The following GRB10 variants were observed in gnomAD, a reference collection of about 807,000 sequenced individuals.
GRB10 encodes the protein growth factor receptor-bound protein 10.
GRB10 carries 20 observed loss-of-function variants against 80.9 expected under a neutral mutation model. The ratio of observed to expected loss-of-function variants is 0.25; its 90% CI spans 0.17 to 0.36. The LOEUF (loss-of-function observed/expected upper bound fraction) is 0.36, where lower values mean the gene tolerates loss of function less well. GRB10 is among the 10% of genes least tolerant of loss of function. The pLI, the probability that GRB10 is intolerant of heterozygous loss-of-function variation, is 1.00. For missense variants in GRB10, 548 were observed against 747.7 expected (o/e 0.73, Z 3.12); for synonymous variants, 291 against 291.5 (o/e 1.00, Z 0.02).
chr7:50,771,555 G>A (rs945462443), intron 2 of GRB10, among the ~76,000 whole-genome samples: 1 of 152,210 alleles, frequency 6.6e-6, no homozygotes. Context: ...AACACTCACA[G>A]GTGGCCAGAG....
At chr7:50,784,970 G>A (rs2078632469), upstream of GRB10, among the ~76,000 whole-genome samples, 1 of 152,232 alleles carries the variant, frequency 6.6e-6, no homozygotes, top group Admixed American at 6.5e-5. Context: ...CCATCAGCTA[G>A]GTGACTTCTT....
intron 7 of GRB10, among the ~76,000 whole-genome samples, chr7:50,631,912 G>A (rs535932170): frequency 2.6e-5 from 4 of 152,236 alleles, no homozygotes; most frequent in East Asian, 1.9e-4. Flanking sequence ...AGGGCTCCCC[G>A]CCCTGGCTCT....
chr7:50,662,650 T>C (rs1180132603), intron 7 of GRB10, among the ~76,000 whole-genome samples: 1 of 152,240 alleles, frequency 6.6e-6, no homozygotes, highest in African/African-American at 2.4e-5. Flanking sequence ...GCCAAAGTAT[T>C]TCACCTTGTG....
At chr7:50,702,949 T>C (rs1338961425) in intron 5 of GRB10, among the ~76,000 whole-genome samples, 1 of 152,252 alleles carries the variant, frequency 6.6e-6, no homozygotes, top group Non-Finnish European at 1.5e-5. Context: ...GCATACAACG[T>C]AACACGTTAA....
chr7:50,792,275 G>A (rs1349196252), intron 1 of GRB10, among the ~76,000 whole-genome samples: 1 of 151,086 alleles, frequency 6.6e-6, no homozygotes, highest in Non-Finnish European at 1.5e-5. Flanking sequence ...TGGGCACCAA[G>A]TTTGCAAGAA....
rs1406250636 is a variant in GRB10 at position 50,652,654 on chromosome 7, C to T, written c.504+17068G>A. Among the ~76,000 whole-genome samples, 9 of 152,286 alleles carry T rather than the reference C, an allele frequency of 5.9e-5. No individual in the cohort carries two copies. The East Asian group carries it at 1.2e-3, about 20-fold the overall frequency. On this transcript the variant is annotated intron_variant, in intron 7 of 18. Transcript: ENST00000401949. ...GGGAGGAGAAGGATTCTGAGACTTC[C>T]GCTGCTTGCTAACAACCAAGCCCTC...
chr7:50,750,010 C>T (rs1171343259), intron 3 of GRB10, among the ~76,000 whole-genome samples: 1 of 152,204 alleles, frequency 6.6e-6, no homozygotes, highest in Non-Finnish European at 1.5e-5. Context: ...CCTGTTGATC[C>T]TGCTACTCCC....
At chr7:50,730,215 CAACAGCAGGATGATTAAA>C (rs2069432909) in intron 4 of GRB10, among the ~76,000 whole-genome samples, 1 of 152,182 alleles carries the variant, frequency 6.6e-6, no homozygotes, top group African/African-American at 2.4e-5. Context: ...TGCTGCCCTC[CAACAGCAGGATGATTAAA>C]TGCATACAGT....
chr7:50,749,597 T>C (rs1186011387), intron 3 of GRB10, among the ~76,000 whole-genome samples: 3 of 152,200 alleles, frequency 2.0e-5, no homozygotes, highest in African/African-American at 7.2e-5. Flanking sequence ...TTTGTATAAT[T>C]TGTGGAATTT....
chr7:50,620,186 T>C (rs1217523458), intron 8 of GRB10, among the ~76,000 whole-genome samples: 1 of 152,168 alleles, frequency 6.6e-6, no homozygotes, highest in African/African-American at 2.4e-5. Context: ...ACTAACCTTA[T>C]TAAATCATGG....
chr7:50,699,509 G>C (rs542294631), intron 5 of GRB10, among the ~76,000 whole-genome samples: 1 of 152,272 alleles, frequency 6.6e-6, no homozygotes, highest in Non-Finnish European at 1.5e-5. Flanking sequence ...TCTGCCAGGT[G>C]AAATGATTAT....
intron 3 of GRB10, among the ~76,000 whole-genome samples, chr7:50,742,442 T>C (rs1266461201): frequency 1.3e-5 from 2 of 152,156 alleles, no homozygotes; most frequent in Non-Finnish European, 2.9e-5. Flanking sequence ...TTAACCAGGA[T>C]CCTACAAGTC....
At chr7:50,595,592 C>T (rs534898121) in intron 17 of GRB10, 62 bp from the exon 18 acceptor site, 21 of 813,394 alleles carry the variant, frequency 2.6e-5, no homozygotes, top group East Asian at 5.0e-5. Context: ...ATCACACACA[C>T]ACACTCTCTT....
chr7:50,621,380 G>T (rs958870642), intron 8 of GRB10, among the ~76,000 whole-genome samples: 6 of 152,248 alleles, frequency 3.9e-5, no homozygotes, highest in African/African-American at 1.4e-4. Flanking sequence ...GCTTTTCTGA[G>T]GCTGGTGACT....
In GRB10 at chr7:50,652,822, T is replaced by C. The variant is rs1018184335; in HGVS notation, c.504+16900A>G. On this transcript the variant is annotated intron_variant, in intron 7 of 18. Transcript: ENST00000401949. Reference sequence around the variant, plus strand: ...TTTCTTTGCCTCATCCTTTGGCTTATTGCACACCAGGTTTAGTTTGACTCA... The same window carrying C: ...TTTCTTTGCCTCATCCTTTGGCTTACTGCACACCAGGTTTAGTTTGACTCA... Among the ~76,000 whole-genome samples the C allele has an allele frequency of 5.9e-5, 9 of 152,230 alleles. No individual in the cohort carries two copies. In the East Asian group the frequency reaches 1.2e-3, roughly 19 times the overall value.
At chr7:50,777,812 G>A (rs2077852597) in intron 2 of GRB10, among the ~76,000 whole-genome samples, 1 of 152,048 alleles carries the variant, frequency 6.6e-6, no homozygotes, top group African/African-American at 2.4e-5. Context: ...AACTAACACA[G>A]GAACAGAAAA....
intron 2 of GRB10, among the ~76,000 whole-genome samples, chr7:50,761,378 G>T (rs918539664): frequency 6.6e-6 from 1 of 152,166 alleles, no homozygotes; most frequent in African/African-American, 2.4e-5. Context: ...AAATCTACTA[G>T]AGTGAGCCTG....
intron 4 of GRB10, among the ~76,000 whole-genome samples, chr7:50,705,714 A>G (rs2715104): frequency 0.95 from 145,298 of 152,332 alleles, 69,382 homozygotes; most frequent in East Asian, 1. Context: ...CATCTCCATC[A>G]GCACTCTAGT....
chr7:50,746,512 T>C (rs1408546362), intron 3 of GRB10, among the ~76,000 whole-genome samples: 1 of 152,108 alleles, frequency 6.6e-6, no homozygotes, highest in Non-Finnish European at 1.5e-5. Flanking sequence ...CACCCTCTGG[T>C]GACACTGCCA....
Sources: allele counts gnomAD v4.1 joint callset (sites outside exome capture counted in the v4.1 genomes callset), GRCh38; gene constraint gnomAD v4.1.1; transcripts MANE v1.5; gene names NCBI Gene and HGNC (gene_info 2026-07-23, HGNC 2026-07-21).